The following BICC1 variants were observed in gnomAD, a reference collection of about 807,000 sequenced individuals.
The protein encoded by BICC1 is BicC family RNA binding protein 1.
A neutral mutation model predicts 111.0 loss-of-function variants in BICC1; 43 were observed. The observed-to-expected ratio is 0.39, with a 90% CI of 0.30 to 0.50. The LOEUF (loss-of-function observed/expected upper bound fraction) is 0.50. Ranked by LOEUF, BICC1 falls within the 20% of genes least tolerant of loss-of-function variation. BICC1 has a pLI of 0.88. For synonymous variants in BICC1, 467 were observed against 434.4 expected (o/e 1.07, Z -0.93); for missense variants, 1,091 against 1,203.2 (o/e 0.91, Z 1.38).
At chr10:58,670,852 C>A (rs1025668748) in intron 2 of BICC1, among the ~76,000 whole-genome samples, 3 of 152,110 alleles carry the variant, frequency 2.0e-5, no homozygotes, top group African/African-American at 7.2e-5. Flanking sequence ...TAACCATACT[C>A]ATTAATAAAA....
intron 1 of BICC1, among the ~76,000 whole-genome samples, chr10:58,605,208 G>A (rs997643163): frequency 7.2e-5 from 11 of 152,098 alleles, no homozygotes; most frequent in South Asian, 2.1e-4. Context: ...AAATCGTCAC[G>A]TAATATATAC....
At chr10:58,809,670 A>G (rs1375921074) in intron 17 of BICC1, among the ~76,000 whole-genome samples, 1 of 152,254 alleles carries the variant, frequency 6.6e-6, no homozygotes, top group Non-Finnish European at 1.5e-5. Context: ...ATTTCTGCAC[A>G]CTCAAGCTAG....
At chr10:58,759,677 A>G (rs1378759194) in intron 3 of BICC1, among the ~76,000 whole-genome samples, 1 of 152,154 alleles carries the variant, frequency 6.6e-6, no homozygotes, top group African/African-American at 2.4e-5. Context: ...AGAAGAGAGC[A>G]GGCCTGGCGC....
intron 1 of BICC1, among the ~76,000 whole-genome samples, chr10:58,596,166 G>A (rs1844806980): frequency 6.6e-6 from 1 of 152,190 alleles, no homozygotes; most frequent in African/African-American, 2.4e-5. Context: ...CCAGGAAGAA[G>A]TTGAATCCCT....
intron 1 of BICC1, among the ~76,000 whole-genome samples, chr10:58,582,746 C>G (rs1232252854): frequency 1.3e-5 from 2 of 152,164 alleles, no homozygotes; most frequent in Admixed American, 1.3e-4. Flanking sequence ...TTGGAGGCCA[C>G]CTGCATCCCT....
intron 4 of BICC1, 43 bp from the exon 5 acceptor site, chr10:58,786,880 T>A (rs188316903): frequency 2.1e-6 from 3 of 1,429,014 alleles, no homozygotes; most frequent in Non-Finnish European, 2.8e-6. Context: ...GGTCATTCTT[T>A]CCTTTTGCAT....
At chr10:58,663,502 T>C (rs2132297480) in intron 2 of BICC1, among the ~76,000 whole-genome samples, 1 of 152,310 alleles carries the variant, frequency 6.6e-6, no homozygotes, top group East Asian at 1.9e-4. Flanking sequence ...TGTGCACTGG[T>C]ATCGGCCTGT....
intron 1 of BICC1, among the ~76,000 whole-genome samples, chr10:58,611,588 G>T: frequency 6.6e-6 from 1 of 151,338 alleles, no homozygotes. Flanking sequence ...AGATTCTCCT[G>T]TCTCAGCCTC....
At chr10:58,614,917 T>G (rs1471456952) in intron 1 of BICC1, among the ~76,000 whole-genome samples, 1 of 152,246 alleles carries the variant, frequency 6.6e-6, no homozygotes, top group Non-Finnish European at 1.5e-5. Context: ...TAAAAATTTC[T>G]TCTCACAGAA....
chr10:58,693,293 C>G (rs1839968395), intron 2 of BICC1, among the ~76,000 whole-genome samples: 1 of 152,202 alleles, frequency 6.6e-6, no homozygotes, highest in Non-Finnish European at 1.5e-5. Flanking sequence ...CAAGTCTTTG[C>G]TATTGTGAAT....
intron 3 of BICC1, among the ~76,000 whole-genome samples, chr10:58,746,520 A>G (rs1374086575): frequency 6.6e-6 from 1 of 152,088 alleles, no homozygotes; most frequent in Non-Finnish European, 1.5e-5. Context: ...AAGAAGGGGG[A>G]AAATGATTGA....
chr10:58,620,514 C>T (rs372666724), intron 1 of BICC1, among the ~76,000 whole-genome samples: 2 of 152,164 alleles, frequency 1.3e-5, no homozygotes, highest in African/African-American at 4.8e-5. Flanking sequence ...ATAGGAAGTG[C>T]TTGGAATGCT....
chr10:58,550,860 TA>T (rs1449377316), intron 1 of BICC1, among the ~76,000 whole-genome samples: 2 of 152,174 alleles, frequency 1.3e-5, no homozygotes, highest in Non-Finnish European at 2.9e-5. Context: ...TATTAATTTT[TA>T]TTTGGGGTTT....
At chr10:58,762,487 A>G (rs1236009496) in intron 3 of BICC1, among the ~76,000 whole-genome samples, 1 of 152,162 alleles carries the variant, frequency 6.6e-6, no homozygotes, top group Non-Finnish European at 1.5e-5. Flanking sequence ...AAATGTGGTC[A>G]GCGTTGTTTT....
chr10:58,823,214 C>T (rs560024298), intron 20 of BICC1: 1 of 985,080 alleles, frequency 1.0e-6, no homozygotes, highest in African/African-American at 1.7e-5. Context: ...ATTTCCCGAC[C>T]TATTCTTTTA....
chr10:58,640,069 T>C (rs1400476714), intron 2 of BICC1, among the ~76,000 whole-genome samples: 1 of 152,202 alleles, frequency 6.6e-6, no homozygotes, highest in Admixed American at 6.5e-5. Flanking sequence ...ACAGAAATGG[T>C]AATTTTTCAG....
At chr10:58,547,275 T>G (rs1366751219) in intron 1 of BICC1, among the ~76,000 whole-genome samples, 1 of 152,192 alleles carries the variant, frequency 6.6e-6, no homozygotes. Flanking sequence ...CTCTTGGCTG[T>G]GACAGTTTCT....
At chr10:58,684,481 A>G (rs1241843895) in intron 2 of BICC1, among the ~76,000 whole-genome samples, 17 of 152,088 alleles carry the variant, frequency 1.1e-4, no homozygotes, top group Non-Finnish European at 2.9e-5. Context: ...TCTGGTAGAA[A>G]TCGGCTGTGA....
At chr10:58,745,315 C>T (rs899544307) in intron 3 of BICC1, among the ~76,000 whole-genome samples, 3 of 152,074 alleles carry the variant, frequency 2.0e-5, no homozygotes, top group Non-Finnish European at 4.4e-5. Context: ...AATAACTTGT[C>T]ACAGTATCTT....
Sources: allele counts gnomAD v4.1 joint callset (sites outside exome capture counted in the v4.1 genomes callset), GRCh38; gene constraint gnomAD v4.1.1; transcripts MANE v1.5; gene names NCBI Gene and HGNC (gene_info 2026-07-23, HGNC 2026-07-21).